The following CHST11 variants were observed in gnomAD, a reference collection of about 807,000 sequenced individuals.
The protein encoded by CHST11 is C4S-1.
Under a neutral mutation model 30.4 loss-of-function variants are expected in CHST11, and 9 were observed. That is an observed-to-expected ratio of 0.30 (90% CI 0.18 to 0.52). The LOEUF is 0.52. CHST11 is among the 20% of genes least tolerant of loss of function. CHST11 has a pLI of 0.97. For missense variants in CHST11, 348 were observed against 460.6 expected, an observed-to-expected ratio of 0.76 and a Z score of 2.24; for synonymous variants, 152 against 187.8, an observed-to-expected ratio of 0.81 and a Z score of 1.56.
chr12:104,467,598 A>G (rs1348418066), intron 1 of CHST11, among the ~76,000 whole-genome samples: 1 of 152,226 alleles, frequency 6.6e-6, no homozygotes, highest in East Asian at 1.9e-4. Flanking sequence ...TCATGTAGAT[A>G]TGGATAGAGA....
chr12:104,731,277 G>T (rs190058755), intron 2 of CHST11, among the ~76,000 whole-genome samples: 46 of 152,266 alleles, frequency 3.0e-4, no homozygotes, highest in Non-Finnish European at 6.6e-4. Flanking sequence ...AGGGCAGCCC[G>T]AACAGGGACA....
intron 1 of CHST11, among the ~76,000 whole-genome samples, chr12:104,555,306 G>A (rs1366506734): frequency 1.3e-5 from 2 of 152,214 alleles, no homozygotes. Flanking sequence ...AGAATGGGGA[G>A]TGGAGATGAG....
intron 1 of CHST11, among the ~76,000 whole-genome samples, chr12:104,491,098 A>G (rs1246676206): frequency 2.0e-5 from 3 of 151,764 alleles, no homozygotes; most frequent in Non-Finnish European, 2.9e-5. Context: ...ATCTGTTAAC[A>G]ATTATCTCTG....
At chr12:104,742,658 A>G (rs891044437) in intron 2 of CHST11, among the ~76,000 whole-genome samples, 6 of 152,064 alleles carry the variant, frequency 3.9e-5, no homozygotes, top group South Asian at 4.2e-4. Context: ...GGAAGCCCAA[A>G]CAGCTGATCT....
At chr12:104,625,557 G>C (rs1464719944) in intron 2 of CHST11, among the ~76,000 whole-genome samples, 1 of 152,180 alleles carries the variant, frequency 6.6e-6, no homozygotes, top group Non-Finnish European at 1.5e-5. Flanking sequence ...CGCCCGCCTT[G>C]GCCTCCCAAA....
At position 104,661,504 on chromosome 12, in the gene CHST11, G is replaced by A. The variant is rs1002156783; in HGVS notation, c.204+59513G>A. Among the ~76,000 whole-genome samples the A allele has an allele frequency of 2.0e-5, 3 of 152,186 alleles. No homozygotes were observed. In the East Asian group the frequency reaches 5.8e-4, roughly 29 times the overall value. ...GTGAGAAGATCACTTAGCTTGGGAG[G>A]TTGAGGTGGGCTTTGAGTGAGCTAT... On this transcript the variant is annotated intron_variant, in intron 2 of 2. Coordinates refer to ENST00000303694, the MANE Select transcript of CHST11 (RefSeq NM_018413.6).
intron 2 of CHST11, among the ~76,000 whole-genome samples, chr12:104,716,486 C>T (rs750255721): frequency 4.6e-5 from 7 of 152,202 alleles, no homozygotes; most frequent in Non-Finnish European, 1.0e-4. Context: ...TTGCCATGCA[C>T]GTAGTAAGTA....
At chr12:104,677,074 G>A (rs1001276696) in intron 2 of CHST11, among the ~76,000 whole-genome samples, 3 of 152,192 alleles carry the variant, frequency 2.0e-5, no homozygotes. Context: ...GAAGAATAGA[G>A]TTTTCAGTAC....
chr12:104,470,127 A>G (rs1000564565), intron 1 of CHST11, among the ~76,000 whole-genome samples: 1 of 152,244 alleles, frequency 6.6e-6, no homozygotes, highest in South Asian at 2.1e-4. Flanking sequence ...TAAACATCCT[A>G]CAATGGATAG....
chr12:104,710,337 G>C (rs1422213445), intron 2 of CHST11, among the ~76,000 whole-genome samples: 1 of 152,224 alleles, frequency 6.6e-6, no homozygotes, highest in Non-Finnish European at 1.5e-5. Flanking sequence ...GTCTTCAGTT[G>C]GTGCTGGCTG....
chr12:104,636,034 C>T (rs1451689968), intron 2 of CHST11, among the ~76,000 whole-genome samples: 1 of 152,124 alleles, frequency 6.6e-6, no homozygotes, highest in East Asian at 1.9e-4. Context: ...ATATTATGTA[C>T]TATAAGCTTG....
Position 104,757,547 on chromosome 12 carries a change from C to T in CHST11, c.803C>T (p.Pro268Leu). 6.2e-7 allele frequency: 1 copy of T among 1,614,172 alleles called. No individual in the cohort carries two copies. Among genetic ancestry groups the T allele is most frequent in the Non-Finnish European group, 8.5e-7 (1 of 1,180,014 alleles). The change falls in exon 3 of 3, where the codon CCC becomes CTC. Residue 268 changes from proline (P) to leucine (L), a missense_variant. By Grantham distance (98) the Pro-to-Leu change is moderately conservative (BLOSUM62 -3). Around this residue, in one of 3 missense-constraint regions of CHST11, gnomAD observed 210 missense variants for 287.2 expected, o/e 0.73. Transcript: ENST00000303694. The surrounding 1 kb of genome is among the most constrained non-coding windows in gnomAD (Gnocchi z 6.5). ...CAAACCGTCTACTCACTCTGCCATC[C>T]CTGCCACATCCACTATGACCTCGTG... ...HWQTVYSLCH[P>L]CHIHYDLVGK...
chr12:104,541,621 A>G (rs569128002), intron 1 of CHST11, among the ~76,000 whole-genome samples: 6 of 152,064 alleles, frequency 3.9e-5, no homozygotes, highest in African/African-American at 1.4e-4. Flanking sequence ...GGCATAGGAT[A>G]TTTACTTTGA....
chr12:104,477,589 C>T (rs1310610460), intron 1 of CHST11, among the ~76,000 whole-genome samples: 1 of 152,032 alleles, frequency 6.6e-6, no homozygotes, highest in Non-Finnish European at 1.5e-5. Context: ...GATTAGTGCC[C>T]TTATAAAAGA....
At chr12:104,607,645 C>A (rs971938510) in intron 2 of CHST11, among the ~76,000 whole-genome samples, 7 of 152,070 alleles carry the variant, frequency 4.6e-5, no homozygotes, top group Non-Finnish European at 1.0e-4. Flanking sequence ...ATCAGCGAGG[C>A]CACAGGGAGA....
At chr12:104,572,662 AC>A (rs1170319722) in intron 1 of CHST11, among the ~76,000 whole-genome samples, 1 of 152,114 alleles carries the variant, frequency 6.6e-6, no homozygotes, top group Non-Finnish European at 1.5e-5. Context: ...TTTTAAAAAA[AC>A]TAGCTCCTGG....
intron 2 of CHST11, among the ~76,000 whole-genome samples, chr12:104,751,105 G>A (rs981685161): frequency 2.0e-5 from 3 of 152,160 alleles, no homozygotes; most frequent in African/African-American, 7.2e-5. Flanking sequence ...GTTATTTTCC[G>A]CCTCTGCAAC....
intron 2 of CHST11, among the ~76,000 whole-genome samples, chr12:104,707,613 G>A (rs2040047331): frequency 6.6e-6 from 1 of 152,122 alleles, no homozygotes; most frequent in Non-Finnish European, 1.5e-5. Context: ...ACATTCTGGG[G>A]CCCCAAAGCA....
chr12:104,663,622 G>A (rs377590524), intron 2 of CHST11, among the ~76,000 whole-genome samples: 1 of 152,098 alleles, frequency 6.6e-6, no homozygotes, highest in African/African-American at 2.4e-5. Context: ...TTAGACTGGT[G>A]TTCAAAGGGG....
Sources: gnomAD v4.1 joint callset for allele counts (sites outside exome capture counted in the v4.1 genomes callset) on GRCh38, gnomAD v4.1.1 for gene constraint, gnomAD v4.1.1 regional missense constraint, Gnocchi (gnomAD v3.1) non-coding constraint, MANE v1.5 for transcripts, NCBI Gene and HGNC (gene_info 2026-07-23, HGNC 2026-07-21) for gene names.